The following BTRC variants were observed in gnomAD, a reference collection of about 807,000 sequenced individuals.
The protein encoded by BTRC is F-box/WD repeat-containing protein 1A.
BTRC carries 42 observed loss-of-function variants against 85.5 expected under a neutral mutation model. The ratio of observed to expected loss-of-function variants is 0.49; its 90% CI spans 0.38 to 0.64. The LOEUF (loss-of-function observed/expected upper bound fraction) is 0.64. BTRC is among the 30% of genes least tolerant of loss of function. BTRC has a pLI of 0.00. For synonymous variants in BTRC, 255 were observed against 263.3 expected (o/e 0.97, Z 0.30); for missense variants, 594 against 743.5 (o/e 0.80, Z 2.34).
At chr10:101,514,995 A>G (rs2062004247) in intron 4 of BTRC, among the ~76,000 whole-genome samples, 1 of 152,010 alleles carries the variant, frequency 6.6e-6, no homozygotes, top group African/African-American at 2.4e-5. Flanking sequence ...TTACTCTGTA[A>G]TCCAGGCTGG....
rs2062298332 is a variant in BTRC, at chr10:101,532,395, A to G, written c.941A>G (p.Gln314Arg). The G allele has an allele frequency of 8.7e-6, 14 of 1,613,104 alleles. No homozygotes were observed. Among genetic ancestry groups the G allele is most frequent in the Admixed American group, 3.3e-5 (2 of 59,740 alleles). The change falls in exon 8 of 15, where the codon CAG becomes CGG. Residue 314 changes from glutamine (Q) to arginine (R), a missense_variant. Gln to Arg is a conservative substitution (Grantham distance 43). Around this residue, in one of 4 missense-constraint regions of BTRC, gnomAD observed 373 missense variants for 503.6 expected, o/e 0.74. Coordinates refer to ENST00000370187, the MANE Select transcript of BTRC (RefSeq NM_033637.4). ...GTTTACTGTTTACAGTATGATGATC[A>G]GAAAATAGTAAGCGGCCTTCGAGAC... is the stretch of plus-strand genomic sequence containing the variant. ...KGVYCLQYDD[Q>R]KIVSGLRDNT...
chr10:101,392,973 A>G (rs930435866), intron 1 of BTRC, among the ~76,000 whole-genome samples: 1 of 152,154 alleles, frequency 6.6e-6, no homozygotes, highest in Non-Finnish European at 1.5e-5. Context: ...ACCTCAGGAA[A>G]TAGTCTGTCT....
At chr10:101,460,926 G>A (rs779262762) in intron 2 of BTRC, among the ~76,000 whole-genome samples, 10 of 152,026 alleles carry the variant, frequency 6.6e-5, no homozygotes, top group South Asian at 2.1e-4. Flanking sequence ...GTTTTGAGAC[G>A]GAACCTTGCT....
At chr10:101,480,293 G>T (rs1228908415) in intron 4 of BTRC, among the ~76,000 whole-genome samples, 1 of 152,122 alleles carries the variant, frequency 6.6e-6, no homozygotes, top group East Asian at 1.9e-4. Flanking sequence ...TAGAGCTTAG[G>T]ACTGGTGTCA....
At chr10:101,397,010 G>A (rs1055818739) in intron 1 of BTRC, among the ~76,000 whole-genome samples, 1 of 152,072 alleles carries the variant, frequency 6.6e-6, no homozygotes, top group Admixed American at 6.5e-5. Flanking sequence ...CACCATGTTG[G>A]CCAGGTTGGT....
intron 1 of BTRC, among the ~76,000 whole-genome samples, chr10:101,375,124 G>A (rs1942755777): frequency 6.6e-6 from 1 of 152,214 alleles, no homozygotes; most frequent in African/African-American, 2.4e-5. Flanking sequence ...CAAATCTCAT[G>A]TCTAATTATA....
chr10:101,526,595 C>G (rs531605033), intron 6 of BTRC, among the ~76,000 whole-genome samples: 1 of 152,198 alleles, frequency 6.6e-6, no homozygotes, highest in Non-Finnish European at 1.5e-5. Flanking sequence ...GCCTGGCCAA[C>G]GTGGCGAAAC....
At chr10:101,410,996 CT>C (rs11356520) in intron 1 of BTRC, among the ~76,000 whole-genome samples, 34,164 of 122,222 alleles carry the variant, frequency 0.28, 4,834 homozygotes, top group East Asian at 0.58. Flanking sequence ...ATTTCTGGCA[CT>C]TTTTTTTTTT....
At chr10:101,369,481 A>G (rs1942571160) in intron 1 of BTRC, among the ~76,000 whole-genome samples, 1 of 151,996 alleles carries the variant, frequency 6.6e-6, no homozygotes, top group Non-Finnish European at 1.5e-5. Context: ...GTCATTGAGC[A>G]TTTTCTTGTT....
chr10:101,485,670 G>A (rs1190937693), intron 4 of BTRC, among the ~76,000 whole-genome samples: 3 of 152,036 alleles, frequency 2.0e-5, no homozygotes, highest in Non-Finnish European at 4.4e-5. Context: ...AAATAGCAGC[G>A]GTTCAGCTGT....
chr10:101,413,103 G>T (rs867663745), intron 1 of BTRC, among the ~76,000 whole-genome samples: 1 of 152,036 alleles, frequency 6.6e-6, no homozygotes, highest in Admixed American at 6.6e-5. Context: ...CATAAATGAG[G>T]GAAGTGGTTT....
intron 1 of BTRC, among the ~76,000 whole-genome samples, chr10:101,359,811 GC>G (rs1377498123): frequency 6.6e-6 from 1 of 152,084 alleles, no homozygotes; most frequent in Admixed American, 6.6e-5. Context: ...TGTTGGTCAG[GC>G]TGGTCTCGAA....
chr10:101,486,868 C>A (rs1451620572), intron 4 of BTRC, among the ~76,000 whole-genome samples: 1 of 152,162 alleles, frequency 6.6e-6, no homozygotes, highest in Non-Finnish European at 1.5e-5. Flanking sequence ...GTTCTGACTT[C>A]TGCTTTAAGA....
intron 2 of BTRC, among the ~76,000 whole-genome samples, chr10:101,448,014 T>G (rs917779560): frequency 6.6e-6 from 1 of 152,170 alleles, no homozygotes; most frequent in Non-Finnish European, 1.5e-5. Flanking sequence ...GTACATTTCT[T>G]GTGATTCTTT....
At chr10:101,436,174 G>A (rs1944523865) in intron 2 of BTRC, among the ~76,000 whole-genome samples, 1 of 152,170 alleles carries the variant, frequency 6.6e-6, no homozygotes, top group South Asian at 2.1e-4. Flanking sequence ...TTGATTACCA[G>A]TAGATATATT....
intron 1 of BTRC, among the ~76,000 whole-genome samples, chr10:101,396,371 C>G (rs1943362027): frequency 6.7e-6 from 1 of 148,344 alleles, no homozygotes; most frequent in Non-Finnish European, 1.5e-5. Flanking sequence ...CTGCAAGATT[C>G]TGCCACTATG....
At chr10:101,549,308 A>G (rs539416521) in intron 13 of BTRC, among the ~76,000 whole-genome samples, 53 of 149,686 alleles carry the variant, frequency 3.5e-4, no homozygotes, top group African/African-American at 1.2e-3. Flanking sequence ...GCATGAGTCT[A>G]TAGTCCTCAC....
intron 4 of BTRC, among the ~76,000 whole-genome samples, chr10:101,481,222 G>A (rs1464188129): frequency 6.6e-6 from 1 of 152,144 alleles, no homozygotes; most frequent in Non-Finnish European, 1.5e-5. Context: ...GGGATTACAA[G>A]CGTGAGCCAC....
intron 4 of BTRC, among the ~76,000 whole-genome samples, chr10:101,507,343 A>T (rs927170038): frequency 2.6e-5 from 4 of 152,186 alleles, no homozygotes; most frequent in Non-Finnish European, 5.9e-5. Context: ...TTCTCCTATT[A>T]TATTTATCTT....
Sources: gnomAD v4.1 joint callset for allele counts (sites outside exome capture counted in the v4.1 genomes callset) on GRCh38, gnomAD v4.1.1 for gene constraint, gnomAD v4.1.1 regional missense constraint, MANE v1.5 for transcripts, NCBI Gene and HGNC (gene_info 2026-07-23, HGNC 2026-07-21) for gene names.